Variants in MIGA1 observed in about 807,000 individuals in gnomAD.
The protein encoded by MIGA1 is family with sequence similarity 73, member A.
A neutral mutation model predicts 82.0 loss-of-function variants in MIGA1; 58 were observed. That is an observed-to-expected ratio of 0.71 (90% confidence interval 0.57 to 0.88). The LOEUF is 0.88. Among genes scored for constraint, MIGA1 ranks in the 40% least tolerant of loss-of-function variants. The pLI is 0.00. For synonymous variants in MIGA1, 249 were observed against 253.6 expected (o/e 0.98, Z 0.17); for missense variants, 751 against 749.1 (o/e 1.00, Z -0.03).
In MIGA1 at chr1:77,783,267, A is replaced by G; in HGVS notation, c.111A>G (p.Thr37=). 6.3e-7 allele frequency: 1 copy of G among 1,593,130 alleles called. No homozygotes were observed. Among genetic ancestry groups the G allele is most frequent in the South Asian group, 1.1e-5 (1 of 87,976 alleles). Residue 37 remains threonine (T), a synonymous_variant, in exon 2 of 16, where the codon ACA becomes ACG. Coordinates refer to ENST00000370791, the MANE Select transcript of MIGA1 (RefSeq NM_198549.4). ...GAAGAGGAGCCATGTCAGAAGAAAC[A>G]GTAAGTGAATCACAGTTTTCCTTGA...
chr1:77,809,793 G>GC (rs538150862), intron 5 of MIGA1, among the ~76,000 whole-genome samples: 507 of 126,938 alleles, frequency 4.0e-3, no homozygotes, highest in Admixed American at 9.0e-3. Context: ...TTTTATTTAT[G>GC]CCCCATTAAG....
chr1:77,802,417 T>C (rs1682921433), intron 3 of MIGA1, among the ~76,000 whole-genome samples: 1 of 152,202 alleles, frequency 6.6e-6, no homozygotes. Flanking sequence ...CTAAGTGACT[T>C]GCCCAAGGTC....
chr1:77,795,977 C>T (rs188165624), intron 2 of MIGA1, among the ~76,000 whole-genome samples: 145 of 152,028 alleles, frequency 9.5e-4, no homozygotes, highest in Non-Finnish European at 1.7e-3. Context: ...TCATTTGTGA[C>T]GTGTTTATTC....
chr1:77,798,874 C>T (rs181723850), intron 2 of MIGA1, among the ~76,000 whole-genome samples: 1 of 152,266 alleles, frequency 6.6e-6, no homozygotes, highest in East Asian at 1.9e-4. Context: ...ACTATTCAAC[C>T]TACTACACCT....
intron 1 of MIGA1, among the ~76,000 whole-genome samples, chr1:77,782,486 C>G (rs1681965272): frequency 6.6e-6 from 1 of 152,036 alleles, no homozygotes; most frequent in South Asian, 2.1e-4. Flanking sequence ...GTGATTTATG[C>G]ATCAATACCA....
At chr1:77,787,128 C>T (rs1682196714) in intron 2 of MIGA1, among the ~76,000 whole-genome samples, 1 of 152,136 alleles carries the variant, frequency 6.6e-6, no homozygotes, top group South Asian at 2.1e-4. Context: ...CATCAGATCT[C>T]GTGAGACTTA....
chr1:77,848,306 C>G (rs1684919706), intron 8 of MIGA1: 1 of 1,305,088 alleles, frequency 7.7e-7, no homozygotes, highest in Non-Finnish European at 1.1e-6. Context: ...CCAAAGAGAA[C>G]AAGAAAGAGA....
chr1:77,815,564 A>G (rs996305649), intron 7 of MIGA1, among the ~76,000 whole-genome samples: 3 of 152,182 alleles, frequency 2.0e-5, no homozygotes, highest in African/African-American at 7.2e-5. Flanking sequence ...CTTCAGAAAT[A>G]TGCATATAAT....
intron 2 of MIGA1, among the ~76,000 whole-genome samples, chr1:77,791,261 A>C (rs77912213): frequency 0.013 from 1,900 of 141,852 alleles, 46 homozygotes; most frequent in South Asian, 0.11. Flanking sequence ...AAAAAAAAAA[A>C]AAAACAAAAA....
At chr1:77,856,422 T>G (rs1158152142) in intron 8 of MIGA1, among the ~76,000 whole-genome samples, 1 of 152,174 alleles carries the variant, frequency 6.6e-6, no homozygotes, top group East Asian at 1.9e-4. Context: ...GTTCCTTCTA[T>G]CTTGTGGAAT....
At chr1:77,825,047 G>A (rs185769259) in intron 7 of MIGA1, among the ~76,000 whole-genome samples, 48 of 139,806 alleles carry the variant, frequency 3.4e-4, no homozygotes, top group African/African-American at 1.2e-3. Context: ...GGAGTGCAGT[G>A]GCATGATCTT....
At position 77,843,338 on chromosome 1, in the gene MIGA1, T is replaced by C. The variant is rs771290827; in HGVS notation, c.927T>C (p.Asn309=). 18 of 1,613,974 alleles carry C rather than the reference T, an allele frequency of 1.1e-5. No homozygotes were observed. Among genetic ancestry groups the C allele is most frequent in the East Asian group, 2.2e-5 (1 of 44,866 alleles). ...ATACAGATATCACCATGAAGGGTAA[T>C]GTGGAAGACTTTGGCCTGCGAGACA... The change falls in exon 8 of 16, where the codon AAT becomes AAC. Residue 309 remains asparagine (N), a synonymous_variant. Coordinates refer to ENST00000370791, the MANE Select transcript of MIGA1 (RefSeq NM_198549.4).
chr1:77,846,661 A>G (rs1684854078), intron 8 of MIGA1, among the ~76,000 whole-genome samples: 1 of 150,984 alleles, frequency 6.6e-6, no homozygotes, highest in Non-Finnish European at 1.5e-5. Context: ...TAATTCAGAT[A>G]CCTCGGCCGG....
chr1:77,844,351 T>C (rs913635965), intron 8 of MIGA1, among the ~76,000 whole-genome samples: 5 of 151,708 alleles, frequency 3.3e-5, no homozygotes, highest in Non-Finnish European at 7.4e-5. Context: ...AAGATTAGTA[T>C]GTAAAGTTTT....
intron 10 of MIGA1, 111 bp from the exon 11 acceptor site, chr1:77,859,929 G>C: frequency 1.5e-6 from 1 of 666,104 alleles, no homozygotes; most frequent in African/African-American, 1.9e-5. Context: ...TGTTGAAATA[G>C]CACCACATGC....
At chr1:77,835,017 T>C (rs1684376221) in intron 7 of MIGA1, among the ~76,000 whole-genome samples, 3 of 152,188 alleles carry the variant, frequency 2.0e-5, no homozygotes, top group Non-Finnish European at 4.4e-5. Context: ...GAATCTCTAC[T>C]AGAATCTGCT....
At chr1:77,780,171 G>A in intron 1 of MIGA1, 1 of 988,930 alleles carries the variant, frequency 1.0e-6, no homozygotes, top group Non-Finnish European at 1.2e-6. Flanking sequence ...CTGCTGTGGG[G>A]TCGGGGGAGA....
At chr1:77,815,925 A>G (rs1570952937) in intron 7 of MIGA1, among the ~76,000 whole-genome samples, 1 of 151,630 alleles carries the variant, frequency 6.6e-6, no homozygotes, top group Non-Finnish European at 1.5e-5. Context: ...TGGAGACAAG[A>G]TGAGGTTTTT....
intron 7 of MIGA1, among the ~76,000 whole-genome samples, chr1:77,827,391 T>C (rs1684073446): frequency 6.6e-6 from 1 of 152,034 alleles, no homozygotes. Context: ...GGAGGGTTGC[T>C]TGAGTCTTGG....
Sources: allele counts gnomAD v4.1 joint callset (sites outside exome capture counted in the v4.1 genomes callset), GRCh38; gene constraint gnomAD v4.1.1; transcripts MANE v1.5; gene names NCBI Gene and HGNC (gene_info 2026-07-23, HGNC 2026-07-21).